Variants in PKD1 observed in about 807,000 individuals in gnomAD.
PKD1 encodes the protein polycystin 1, transient receptor potential channel interacting.
PKD1 carries 81 observed loss-of-function variants against 361.7 expected under a neutral mutation model. That is an observed-to-expected ratio of 0.22 (90% CI 0.19 to 0.27). PKD1 has a LOEUF of 0.27. Among genes scored for constraint, PKD1 ranks in the 10% least tolerant of loss-of-function variants. The probability of loss-of-function intolerance (pLI) is 1.00; values close to 1 mark genes in which losing one functional copy is unlikely to be tolerated. For missense variants in PKD1, 6,399 were observed against 6,118.3 expected, an observed-to-expected ratio of 1.05 and a Z score of -1.53; for synonymous variants, 3,615 against 2,818.3, an observed-to-expected ratio of 1.28 and a Z score of -8.95.
chr16:2,105,794 G>A (rs1165565357), intron 20 of PKD1, 71 bp downstream of exon 20: 6 of 1,496,738 alleles, frequency 4.0e-6, no homozygotes, highest in Non-Finnish European at 4.6e-6. Flanking sequence ...CAAAGCTCCA[G>A]GCAGGGGTAC....
rs2092509837 is a variant in PKD1 at position 2,111,682 on chromosome 16, T to C, written c.3485A>G (p.Asp1162Gly). 7 of 1,579,306 alleles carry C rather than the reference T, an allele frequency of 4.4e-6. No homozygotes were observed. The highest frequency in any genetic ancestry group is 5.2e-6 in the Non-Finnish European group (6 of 1,164,146). Residue 1162 changes from aspartate (D) to glycine (G), a missense_variant, in exon 15 of 46, where the codon GAC becomes GGC. Asp to Gly is a moderately conservative substitution (Grantham distance 94). Transcript: ENST00000262304. ...PSPGGVLYTW[D>G]FGDGSPVLTQ... ...CAGGACAGGGGAGCCGTCCCCGAAG[T>C]CCCACGTGTAAAGAACACCCCCAGG...
At chr16:2,132,431 G>A (rs1230082204) in intron 1 of PKD1, among the ~76,000 whole-genome samples, 2 of 151,006 alleles carry the variant, frequency 1.3e-5, no homozygotes, top group African/African-American at 2.4e-5. Context: ...AGCTGGGCAC[G>A]GTGGTGCATG....
At position 2,103,616 on chromosome 16, in the gene PKD1, C is replaced by G; in HGVS notation, c.8441G>C (p.Gly2814Ala). 1 of 1,610,466 alleles carries G rather than the reference C, an allele frequency of 6.2e-7. No homozygotes were observed. The highest frequency in any genetic ancestry group is 8.5e-7 in the Non-Finnish European group (1 of 1,179,730). The change falls in exon 23 of 46, where the codon GGG becomes GCG. Residue 2814 changes from glycine (G) to alanine (A), a missense_variant. Physicochemically the swap from Gly to Ala is moderately conservative, Grantham distance 60 (BLOSUM62 0). Transcript: ENST00000262304. The stretch of plus-strand genomic sequence containing the variant: ...CACGTCACTGAGGTTGGCCAGGGCC[C>G]CGCTGAAAGCCTCGGGGATGGAGAA... ...CHFSIPEAFSGALANLSDVVQ... is the reference protein window; with the variant it reads ...CHFSIPEAFSAALANLSDVVQ...
intron 1 of PKD1, among the ~76,000 whole-genome samples, chr16:2,126,209 C>T (rs958129094): frequency 3.9e-5 from 6 of 152,270 alleles, no homozygotes; most frequent in Non-Finnish European, 8.8e-5. Flanking sequence ...AGCCCCTGTA[C>T]TCCCACAGCT....
At chr16:2,123,203 G>A (rs1240559431) in intron 1 of PKD1, among the ~76,000 whole-genome samples, 1 of 152,162 alleles carries the variant, frequency 6.6e-6, no homozygotes, top group African/African-American at 2.4e-5. Context: ...CCTTCTCCCG[G>A]CCCTCACCCC....
chr16:2,104,819 G>A (rs894472736), intron 21 of PKD1, among the ~76,000 whole-genome samples, 177 bp from the exon 22 acceptor site: 1 of 140,502 alleles, frequency 7.1e-6, no homozygotes, highest in Admixed American at 7.2e-5. Flanking sequence ...ATGACCCAGG[G>A]CCTCCACCTG....
rs1285446551 is a variant in PKD1, at chr16:2,091,249, G to GGT, written c.11713-76_11713-75insAC. 67 of 585,334 alleles carry GGT rather than the reference G, an allele frequency of 1.1e-4. 2 individuals carry two copies. The highest frequency in any genetic ancestry group is 1.4e-4 in the Non-Finnish European group (59 of 432,852). 36.3% of individuals were successfully genotyped at this position (585,334 alleles called of 1,614,324 possible). On this transcript the variant is annotated intron_variant, in intron 42 of 45. Coordinates refer to ENST00000262304, the MANE Select transcript of PKD1 (RefSeq NM_001009944.3). Reference sequence around the variant, plus strand: ...CCCTGCGAGGGGGCGGGACGCTGCCGGGGCGGGGCCCTACGAGGGGGCGGG... The same window carrying GGT: ...CCCTGCGAGGGGGCGGGACGCTGCCGGTGGGCGGGGCCCTACGAGGGGGCGGG...
Position 2,092,548 on chromosome 16 carries a change from T to C in PKD1, c.11201A>G (p.Tyr3734Cys), listed in dbSNP as rs1312416381. Residue 3734 changes from tyrosine to cysteine, a missense_variant, in exon 39 of 46, where the codon TAC becomes TGC. Tyr to Cys is a radical substitution (Grantham distance 194). Transcript: ENST00000262304. ...TGGGCTGGACTGGTTCCCGTGGACG[T>C]AGGGCAGCAGCACGTGGGCCATCCA... ...WPWMAHVLLP[Y>C]VHGNQSSPEL... 110 of 1,612,464 alleles carry C rather than the reference T, an allele frequency of 6.8e-5. No homozygotes were observed. Among genetic ancestry groups the C allele is most frequent in the Non-Finnish European group, 9.1e-5 (107 of 1,179,832 alleles).
In PKD1 at chr16:2,111,420, G is replaced by A. The variant is rs148021876; in HGVS notation, c.3747C>T (p.Asp1249=). 60 of 1,611,642 alleles carry A rather than the reference G, an allele frequency of 3.7e-5. No individual in the cohort carries two copies. The highest frequency in any genetic ancestry group is 2.0e-4 in the East Asian group (9 of 44,868). The change falls in exon 15 of 46, where the codon GAC becomes GAT. Residue 1249 remains aspartate (D), a synonymous_variant. Coordinates refer to ENST00000262304, the MANE Select transcript of PKD1 (RefSeq NM_001009944.3). ...DNITWTFDMG[D]GTVLSGPEAT... Reference sequence around the variant, plus strand: ...CCTCCGGGCCCGACAGCACGGTGCCGTCCCCCATGTCGAAGGTCCACGTGA... The same window carrying A: ...CCTCCGGGCCCGACAGCACGGTGCCATCCCCCATGTCGAAGGTCCACGTGA...
chr16:2,125,155 C>G lies in PKD1; in HGVS notation c.216-5777G>C, dbSNP rs558826471. 5.3e-4 allele frequency among the ~76,000 whole-genome samples: 80 copies of G among 152,334 alleles called. 1 individual carries two copies. Among genetic ancestry groups the G allele is most frequent in the African/African-American group, 1.9e-3 (78 of 41,584 alleles). ...AGGAGAGTGAGGCGGCTTCCAGGGC[C>G]GGAAATGATCCTGTTTAAATTAACG... On this transcript the variant is annotated intron_variant, in intron 1 of 45. Transcript: ENST00000262304.
chr16:2,125,238 A>G (rs1482368037), intron 1 of PKD1, among the ~76,000 whole-genome samples: 1 of 152,268 alleles, frequency 6.6e-6, no homozygotes, highest in Non-Finnish European at 1.5e-5. Context: ...CGGGCTGGGC[A>G]GATGGCTGCT....
At chr16:2,135,125 C>A in intron 1 of PKD1, 2 of 977,964 alleles carry the variant, frequency 2.0e-6, no homozygotes, top group Non-Finnish European at 2.4e-6. Flanking sequence ...CCCCTACAGC[C>A]ATCCCCACCT....
chr16:2,109,833 C>T lies in PKD1; in HGVS notation c.5334G>A (p.Leu1778=). ...GCGGGTTCCCTGCCGTCATGGTGAC[C>T]AAGTGCAGGCCGGGTGTGGGGAAGC... is the stretch of plus-strand genomic sequence containing the variant. ...THSFPTPGLH[L]VTMTAGNPLG... The change falls in exon 15 of 46, where the codon TTG becomes TTA. Residue 1778 remains leucine (L), a synonymous_variant. Transcript: ENST00000262304. 2 of 1,610,666 alleles carry T rather than the reference C, an allele frequency of 1.2e-6. No homozygotes were observed. Among genetic ancestry groups the T allele is most frequent in the Non-Finnish European group, 1.7e-6 (2 of 1,179,826 alleles).
At chr16:2,113,897 C>T (rs1474001763) in intron 11 of PKD1, 2 of 542,442 alleles carry the variant, frequency 3.7e-6, no homozygotes, top group Admixed American at 3.1e-5. Context: ...CTCACGGGGG[C>T]TCGTGTGAGG....
intron 9 of PKD1, among the ~76,000 whole-genome samples, 172 bp from the exon 10 acceptor site, chr16:2,115,797 CGGCCCCCAGGCA>C (rs1048482926): frequency 1.3e-5 from 2 of 152,186 alleles, no homozygotes; most frequent in South Asian, 2.1e-4. Context: ...TGACCCAGGC[CGGCCCCCAGGCA>C]GGCCCCACCC....
intron 38 of PKD1, 41 bp downstream of exon 38, chr16:2,092,913 C>T (rs1385461517): frequency 1.9e-6 from 3 of 1,612,298 alleles, no homozygotes; most frequent in East Asian, 2.2e-5. Flanking sequence ...AAAGGCAAAA[C>T]TAAAGCCCAG....
intron 34 of PKD1, among the ~76,000 whole-genome samples, chr16:2,096,405 T>G (rs973590099): frequency 6.6e-6 from 1 of 152,252 alleles, no homozygotes; most frequent in Non-Finnish European, 1.5e-5. Context: ...GAACACGCCG[T>G]GGGTGCGCTC....
chr16:2,133,029 C>A (rs1419058489), intron 1 of PKD1: 1 of 149,138 alleles, frequency 6.7e-6, no homozygotes, highest in African/African-American at 2.5e-5. Flanking sequence ...TTGCCATGAG[C>A]CGAGATCGTG....
At chr16:2,095,721 G>A (rs900698628) in intron 34 of PKD1, among the ~76,000 whole-genome samples, 1 of 152,264 alleles carries the variant, frequency 6.6e-6, no homozygotes, top group Non-Finnish European at 1.5e-5. Context: ...CCGAAGCACT[G>A]TCCGAGCAAG....
Sources: gnomAD v4.1 joint callset for allele counts (sites outside exome capture counted in the v4.1 genomes callset) on GRCh38, gnomAD v4.1.1 for gene constraint, MANE v1.5 for transcripts, NCBI Gene and HGNC (gene_info 2026-07-23, HGNC 2026-07-21) for gene names.